RGPD2: variants seen among roughly 807,000 people sequenced by gnomAD.
RGPD2 encodes the protein RANBP2 like and GRIP domain containing 2, also known as RANBP2-like and GRIP domain-containing protein 2.
RGPD2 carries 2 observed loss-of-function variants against 36.0 expected under a neutral mutation model. The observed-to-expected ratio is 0.06, with a 90% confidence interval of 0.02 to 0.17. RGPD2 has a LOEUF of 0.17. Among genes scored for constraint, RGPD2 ranks in the 10% least tolerant of loss-of-function variants. The pLI is 1.00. For synonymous variants in RGPD2, 19 were observed against 163.8 expected (o/e 0.12, Z 6.75); for missense variants, 40 against 464.3 (o/e 0.09, Z 8.40).
the RGPD2 span, among the ~76,000 whole-genome samples, chr2:87,840,077 TA>T: frequency 1.4e-5 from 2 of 140,936 alleles, no homozygotes; most frequent in African/African-American, 5.3e-5. Flanking sequence ...AAGGTGTGAA[TA>T]GGATCTTATT....
the RGPD2 span, among the ~76,000 whole-genome samples, chr2:87,876,082 AT>A: frequency 1.3e-5 from 2 of 150,902 alleles, no homozygotes; most frequent in African/African-American, 4.9e-5. Context: ...GATTGTGTAT[AT>A]TTGATTCTGT....
the RGPD2 span, among the ~76,000 whole-genome samples, chr2:87,848,861 T>G: frequency 2.7e-5 from 2 of 74,492 alleles, no homozygotes; most frequent in Admixed American, 1.1e-4. Flanking sequence ...GAGGGTGTGG[T>G]GTGTGTGTGT....
chr2:87,875,576 A>G, the RGPD2 span, among the ~76,000 whole-genome samples: 1 of 152,192 alleles, frequency 6.6e-6, no homozygotes, highest in South Asian at 2.1e-4. Flanking sequence ...ATCACGATGG[A>G]TAAGCTTTTT....
the RGPD2 span, among the ~76,000 whole-genome samples, chr2:87,886,576 A>G: frequency 0.21 from 31,563 of 150,268 alleles, 3,374 homozygotes; most frequent in Non-Finnish European, 0.26. Context: ...CATATTATAC[A>G]TAATTGTTTT....
chr2:87,832,022 TG>T, the RGPD2 span, among the ~76,000 whole-genome samples: 4 of 142,838 alleles, frequency 2.8e-5, no homozygotes, highest in East Asian at 8.1e-4. Context: ...ACAAAAGGCA[TG>T]GAAATGGTGC....
the RGPD2 span, among the ~76,000 whole-genome samples, chr2:87,978,866 T>A: frequency 1.4e-5 from 2 of 147,472 alleles, no homozygotes; most frequent in East Asian, 4.0e-4. Context: ...TACAGCCAAC[T>A]ACGATAGCAT....
chr2:87,769,492 A>G (rs1222462838), intron 22 of RGPD2, among the ~76,000 whole-genome samples: 1 of 148,930 alleles, frequency 6.7e-6, no homozygotes, highest in African/African-American at 2.4e-5. Flanking sequence ...TATCTCCTCT[A>G]TGAAATTCTT....
At chr2:87,941,066 A>G in the RGPD2 span, among the ~76,000 whole-genome samples, 9 of 152,012 alleles carry the variant, frequency 5.9e-5, no homozygotes, top group Non-Finnish European at 1.0e-4. Flanking sequence ...AGAAACTGGT[A>G]TATTTATGTG....
At chr2:87,824,354 A>G (rs1686513129) in intron 1 of RGPD2, among the ~76,000 whole-genome samples, 1 of 152,030 alleles carries the variant, frequency 6.6e-6, no homozygotes, top group Non-Finnish European at 1.5e-5. Context: ...AAATGAAAGC[A>G]CAATGGAAGA....
chr2:87,963,586 A>G, the RGPD2 span, among the ~76,000 whole-genome samples: 1 of 62,042 alleles, frequency 1.6e-5, no homozygotes, highest in African/African-American at 7.5e-5. Context: ...AGACTGAAGC[A>G]GGAGGATCTC....
the RGPD2 span, among the ~76,000 whole-genome samples, chr2:87,883,039 T>C: frequency 6.6e-6 from 1 of 152,158 alleles, no homozygotes; most frequent in Non-Finnish European, 1.5e-5. Context: ...AAGACTCTAA[T>C]TCTGTAATGG....
At chr2:87,877,059 A>G in the RGPD2 span, among the ~76,000 whole-genome samples, 20 of 152,338 alleles carry the variant, frequency 1.3e-4, no homozygotes, top group East Asian at 5.8e-4. Context: ...TTCTTGGTAG[A>G]TTTTTCTCCA....
chr2:87,842,310 C>T, the RGPD2 span, among the ~76,000 whole-genome samples: 1 of 145,868 alleles, frequency 6.9e-6, no homozygotes, highest in South Asian at 2.2e-4. Flanking sequence ...TCTAGAAAAC[C>T]ACATCGTCTC....
chr2:87,906,484 AG>A, the RGPD2 span, among the ~76,000 whole-genome samples: 1 of 72,996 alleles, frequency 1.4e-5, no homozygotes, highest in Non-Finnish European at 2.8e-5. Flanking sequence ...ACTTAGAAAA[AG>A]CTTTATTCTA....
the RGPD2 span, among the ~76,000 whole-genome samples, chr2:87,957,546 G>A: frequency 6.6e-6 from 1 of 150,500 alleles, no homozygotes; most frequent in African/African-American, 2.5e-5. Context: ...TAATGGATGT[G>A]GACAAAAGAA....
the RGPD2 span, among the ~76,000 whole-genome samples, chr2:87,865,336 A>G: frequency 6.6e-6 from 1 of 150,790 alleles, no homozygotes; most frequent in Non-Finnish European, 1.5e-5. Context: ...CTAAGCAGAG[A>G]GAATGAGGAC....
chr2:87,864,331 C>T, the RGPD2 span, among the ~76,000 whole-genome samples: 1 of 152,268 alleles, frequency 6.6e-6, no homozygotes, highest in South Asian at 2.1e-4. Flanking sequence ...TGCTCTGGTT[C>T]TTAGGCCTTT....
chr2:87,973,281 C>T, the RGPD2 span, among the ~76,000 whole-genome samples: 1 of 147,134 alleles, frequency 6.8e-6, no homozygotes, highest in African/African-American at 2.5e-5. Flanking sequence ...CCTCCTGCCG[C>T]TATCGCCGTT....
the RGPD2 span, among the ~76,000 whole-genome samples, chr2:87,917,392 G>A: frequency 1.2e-5 from 1 of 80,396 alleles, no homozygotes; most frequent in Admixed American, 1.4e-4. Context: ...TGTGATCATA[G>A]GTCACTGTAA....
Sources: allele counts gnomAD v4.1 joint callset (sites outside exome capture counted in the v4.1 genomes callset), GRCh38; gene constraint gnomAD v4.1.1; transcripts MANE v1.5; gene names NCBI Gene and HGNC (gene_info 2026-07-23, HGNC 2026-07-21).